PNISR: variants seen among roughly 807,000 people sequenced by gnomAD.
PNISR encodes the protein arginine/serine-rich protein PNISR.
A neutral mutation model predicts 93.4 loss-of-function variants in PNISR; 20 were observed. The observed-to-expected ratio is 0.21, with a 90% CI of 0.15 to 0.31. The LOEUF (loss-of-function observed/expected upper bound fraction) is 0.31. PNISR is among the 10% of genes least tolerant of loss of function. The pLI, the probability that PNISR is intolerant of heterozygous loss-of-function variation, is 1.00. For missense variants in PNISR, 893 were observed against 985.4 expected, an observed-to-expected ratio of 0.91 and a Z score of 1.25; for synonymous variants, 305 against 306.5, an observed-to-expected ratio of 0.99 and a Z score of 0.05.
In PNISR at chr6:99,399,596, A is replaced by C. The variant is rs1376149193; in HGVS notation, c.*944T>G. ...TCAAACACAATCGTTCCTTACAAAT[A>C]ACTCTACTGGTGCACTGGCTTGATT... On this transcript the variant is annotated 3_prime_UTR_variant, in exon 12 of 12. Coordinates refer to ENST00000369239, the MANE Select transcript of PNISR (RefSeq NM_032870.4). 6 of 152,196 alleles carry C rather than the reference A, an allele frequency of 3.9e-5. No homozygotes were observed. The highest frequency in any genetic ancestry group is 6.5e-5 in the Admixed American group (1 of 15,284). 9.4% of individuals were successfully genotyped at this position (152,196 alleles called of 1,614,324 possible). A position where few individuals can be genotyped will look rare whatever the true frequency, so the allele number is the denominator to read the frequency against.
Position 99,402,692 on chromosome 6 carries a change from C to G in PNISR, c.1175G>C (p.Gly392Ala), listed in dbSNP as rs1412730882. 1 of 1,599,066 alleles carries G rather than the reference C, an allele frequency of 6.3e-7. No homozygotes were observed. Among genetic ancestry groups the G allele is most frequent in the Non-Finnish European group, 8.5e-7 (1 of 1,170,242 alleles). ...CCTCTCATCTTCACTGTCTCCTGAT[C>G]CATAACCACCCAGTCCACCTGTGTG... Reference protein sequence around the residue: ...LTGLGGLGGYGSGDSEDERSD... With the variant: ...LTGLGGLGGYASGDSEDERSD... The change falls in exon 11 of 12, where the codon GGA (glycine) becomes GCA (alanine). Residue 392 changes from glycine (G) to alanine (A), a missense_variant. Transcript: ENST00000369239.
At chr6:99,414,745 C>T (rs1777438991) in intron 2 of PNISR, 55 bp from the exon 3 acceptor site, 3 of 720,946 alleles carry the variant, frequency 4.2e-6, no homozygotes, top group Non-Finnish European at 6.7e-6. Context: ...AATCTTAAAA[C>T]CTCACATCAG....
At position 99,401,135 on chromosome 6, in the gene PNISR, C is replaced by T. The variant is rs756564984; in HGVS notation, c.1823G>A (p.Arg608Gln). The T allele has an allele frequency of 1.6e-5, 25 of 1,609,096 alleles. No homozygotes were observed. Among genetic ancestry groups the T allele is most frequent in the Admixed American group, 6.7e-5 (4 of 59,656 alleles). The change falls in exon 12 of 12, where the codon CGA (arginine) becomes CAA (glutamine). Residue 608 changes from arginine (R) to glutamine (Q), a missense_variant. By Grantham distance (43) the Arg-to-Gln change is conservative (BLOSUM62 1). Around this residue, in one of 3 missense-constraint regions of PNISR, gnomAD observed 866 missense variants for 935.1 expected, o/e 0.93. Transcript: ENST00000369239. ...NRNSIERERR[R>Q]NRSPSRERRR... ...TCTCTCTCGGGAAGGACTCCGATTT[C>T]GTCGTCTTTCTCTTTCAATGCTATT...
At chr6:99,410,390 C>A in intron 5 of PNISR, 1 of 200,174 alleles carries the variant, frequency 5.0e-6, no homozygotes, top group East Asian at 1.2e-4. Flanking sequence ...CATGTCTTAA[C>A]CATGAGCTAT....
intron 7 of PNISR, among the ~76,000 whole-genome samples, chr6:99,406,377 G>C (rs1776155264): frequency 6.6e-6 from 1 of 152,084 alleles, no homozygotes; most frequent in African/African-American, 2.4e-5. Flanking sequence ...AGAAGGCTTA[G>C]GAAAATAAAT....
Position 99,406,189 on chromosome 6 carries a change from G to A in PNISR, c.865-21C>T, listed in dbSNP as rs1203468661. ...CTATCCTATAAAAAACAATAGTATG[G>A]TAGTCCAAATTCATGTGTATAATGT... is the stretch of plus-strand genomic sequence containing the variant. On this transcript the variant is annotated intron_variant, in intron 7 of 11. Transcript: ENST00000369239. 3.9e-6 allele frequency: 6 copies of A among 1,552,834 alleles called. 1 individual carries two copies. In the East Asian group the frequency reaches 1.1e-4, roughly 29 times the overall value.
chr6:99,420,757 T>G (rs1024141250), intron 1 of PNISR, among the ~76,000 whole-genome samples: 2 of 152,238 alleles, frequency 1.3e-5, no homozygotes, highest in Non-Finnish European at 2.9e-5. Flanking sequence ...GGGCATTTGC[T>G]ACCCTCTTCT....
chr6:99,403,764 G>T, intron 10 of PNISR, 65 bp downstream of exon 10: 1 of 1,161,518 alleles, frequency 8.6e-7, no homozygotes, highest in Non-Finnish European at 1.3e-6. Flanking sequence ...AATAGAACAC[G>T]CAGAGAGACA....
chr6:99,412,796 G>A, intron 3 of PNISR, 57 bp from the exon 4 acceptor site: 1 of 1,026,598 alleles, frequency 9.7e-7, no homozygotes, highest in Non-Finnish European at 1.4e-6. Context: ...AAAGAATAGT[G>A]CCTCTATGTA....
intron 1 of PNISR, among the ~76,000 whole-genome samples, chr6:99,420,106 A>G (rs755782978): frequency 6.6e-6 from 1 of 152,174 alleles, no homozygotes; most frequent in Non-Finnish European, 1.5e-5. Flanking sequence ...GATGGTCTCA[A>G]TCTCCTGACC....
At chr6:99,401,962 G>A (rs911935316) in intron 11 of PNISR, among the ~76,000 whole-genome samples, 6 of 152,174 alleles carry the variant, frequency 3.9e-5, no homozygotes, top group African/African-American at 1.2e-4. Context: ...TCTATAGCTT[G>A]TAGTTAGTTA....
intron 8 of PNISR, among the ~76,000 whole-genome samples, chr6:99,404,955 T>A (rs561936535): frequency 6.6e-6 from 1 of 152,160 alleles, no homozygotes; most frequent in Admixed American, 6.5e-5. Flanking sequence ...ATTTTTGTAT[T>A]TTCAGTAGAG....
intron 10 of PNISR, 145 bp downstream of exon 10, chr6:99,403,684 T>A (rs549843430): frequency 2.0e-6 from 1 of 499,418 alleles, no homozygotes; most frequent in Non-Finnish European, 3.5e-6. Context: ...TAGGCAAACC[T>A]TTTTAGACAG....
intron 1 of PNISR, among the ~76,000 whole-genome samples, chr6:99,418,636 G>A (rs1231573739): frequency 6.6e-6 from 1 of 152,032 alleles, no homozygotes; most frequent in South Asian, 2.1e-4. Flanking sequence ...TATAATGTTT[G>A]GGACACTTAG....
chr6:99,411,781 AGTTT>A (rs1288900987), intron 4 of PNISR: 1 of 155,016 alleles, frequency 6.5e-6, no homozygotes, highest in East Asian at 1.9e-4. Context: ...TGCCTGACTA[AGTTT>A]TAAGGTTTTT....
At position 99,419,152 on chromosome 6, in the gene PNISR, C is replaced by CAAAAAAAAAAAAAA. The variant is rs1166838873; in HGVS notation, c.-111-2738_-111-2725dup. The stretch of plus-strand genomic sequence containing the variant: ...TGGGTGCCAGAGCGAGACTCCGTCT[C>CAAAAAAAAAAAAAA]AAAAAAAAAAAAAAAAAAAAAAAAA... On this transcript the variant is annotated intron_variant, in intron 1 of 11. Transcript: ENST00000369239. Among the ~76,000 whole-genome samples, 13 of 19,824 alleles carry CAAAAAAAAAAAAAA rather than the reference C, an allele frequency of 6.6e-4. 4 individuals are homozygous for CAAAAAAAAAAAAAA. Among genetic ancestry groups the CAAAAAAAAAAAAAA allele is most frequent in the Non-Finnish European group, 1.1e-3 (11 of 10,406 alleles). 13.0% of individuals were successfully genotyped at this position (19,824 alleles called of 152,430 possible). A position where few individuals can be genotyped will look rare whatever the true frequency, so the allele number is the denominator to read the frequency against.
intron 1 of PNISR, among the ~76,000 whole-genome samples, chr6:99,417,823 C>G (rs911130476): frequency 6.6e-6 from 1 of 151,888 alleles, no homozygotes; most frequent in African/African-American, 2.4e-5. Flanking sequence ...CAAAAATTAG[C>G]CGGGCGTGGC....
chr6:99,412,488 TTAA>T (rs2128487840), intron 4 of PNISR, 60 bp downstream of exon 4: 5 of 1,195,984 alleles, frequency 4.2e-6, no homozygotes, highest in Admixed American at 2.1e-5. Flanking sequence ...ATTAAAAAAT[TTAA>T]TAATAATCTT....
chr6:99,403,746 A>G, intron 10 of PNISR, 83 bp downstream of exon 10: 1 of 978,144 alleles, frequency 1.0e-6, no homozygotes, highest in East Asian at 2.4e-5. Context: ...GGACTAATAC[A>G]GTTTCAAAAT....
Sources: allele counts gnomAD v4.1 joint callset (sites outside exome capture counted in the v4.1 genomes callset), GRCh38; gene constraint gnomAD v4.1.1; regional missense constraint gnomAD v4.1.1; transcripts MANE v1.5; gene names NCBI Gene and HGNC (gene_info 2026-07-23, HGNC 2026-07-21).